Variants in GPR176 observed in about 807,000 individuals in gnomAD.
GPR176 encodes G protein-coupled receptor 176, also known as G-protein coupled receptor 176.
Under a neutral mutation model 35.4 loss-of-function variants are expected in GPR176, and 26 were observed. That is an observed-to-expected ratio of 0.74 (90% confidence interval 0.54 to 1.02). The LOEUF is 1.02. Ranked by LOEUF, GPR176 falls within the 50% of genes least tolerant of loss-of-function variation. The probability of loss-of-function intolerance (pLI) is 0.00; values close to 1 mark genes in which losing one functional copy is unlikely to be tolerated. For missense variants in GPR176, 597 were observed against 665.3 expected (o/e 0.90, Z 1.13); for synonymous variants, 278 against 271.3 (o/e 1.02, Z -0.24).
chr15:39,915,139 C>T (rs2033693215), intron 1 of GPR176, among the ~76,000 whole-genome samples: 1 of 152,200 alleles, frequency 6.6e-6, no homozygotes, highest in African/African-American at 2.4e-5. Context: ...TAGTCTGCTC[C>T]AGCTGCTATA....
At position 39,920,132 on chromosome 15, in the gene GPR176, G is replaced by T; in HGVS notation, c.-106C>A. Reference sequence around the variant, plus strand: ...ACGCGCGGGCGCCTGGCGGAGTCCTGGAGAAGCCGGAGCAGCCGACGGGTC... The same window carrying T: ...ACGCGCGGGCGCCTGGCGGAGTCCTTGAGAAGCCGGAGCAGCCGACGGGTC... On this transcript the variant is annotated 5_prime_UTR_variant, in exon 1 of 3. Coordinates refer to ENST00000561100, the MANE Select transcript of GPR176 (RefSeq NM_007223.3). The T allele has an allele frequency of 1.4e-6, 1 of 737,252 alleles. No individual in the cohort carries two copies. The highest frequency in any genetic ancestry group is 1.9e-6 in the Non-Finnish European group (1 of 527,792). The allele number at this position is 737,252 out of a possible 1,614,324, so 45.7% of individuals were successfully genotyped here.
At chr15:39,893,850 G>A (rs1429864081) in intron 1 of GPR176, among the ~76,000 whole-genome samples, 12 of 146,282 alleles carry the variant, frequency 8.2e-5, no homozygotes, top group African/African-American at 2.5e-4. Flanking sequence ...TCCCAGTAGG[G>A]GCGGCCGGGC....
At position 39,806,881 on chromosome 15, in the gene GPR176, T is replaced by G. The variant is rs1595433331; in HGVS notation, c.425+125A>C. 2.4e-5 allele frequency: 20 copies of G among 816,566 alleles called. No individual in the cohort carries two copies. In the East Asian group the frequency reaches 5.1e-4, roughly 21 times the overall value. 50.6% of individuals were successfully genotyped at this position (816,566 alleles called of 1,614,324 possible). On this transcript the variant is annotated intron_variant, in intron 2 of 2. Transcript: ENST00000561100. Reference sequence around the variant, plus strand: ...ATCTGTTTTGCACATTTATTCCCTTTCTGTTGATCACAAGCTGACTAAAAA... The same window carrying G: ...ATCTGTTTTGCACATTTATTCCCTTGCTGTTGATCACAAGCTGACTAAAAA...
intron 1 of GPR176, among the ~76,000 whole-genome samples, chr15:39,886,288 G>GT: frequency 6.6e-6 from 1 of 152,026 alleles, no homozygotes; most frequent in Non-Finnish European, 1.5e-5. Context: ...ACCAGGAACT[G>GT]TAAGACTCAG....
intron 1 of GPR176, among the ~76,000 whole-genome samples, chr15:39,831,720 G>A (rs923234643): frequency 7.9e-5 from 12 of 151,952 alleles, no homozygotes; most frequent in African/African-American, 2.4e-4. Flanking sequence ...TTCAAACCTC[G>A]TAATTTCTTG....
chr15:39,894,316 C>T (rs2033016218), intron 1 of GPR176: 1 of 119,430 alleles, frequency 8.4e-6, no homozygotes, highest in African/African-American at 2.8e-5. Context: ...GGGGCTGACC[C>T]CCCCACCTCC....
At chr15:39,880,531 T>G (rs2032435012) in intron 1 of GPR176, among the ~76,000 whole-genome samples, 1 of 152,232 alleles carries the variant, frequency 6.6e-6, no homozygotes, top group Admixed American at 6.5e-5. Flanking sequence ...TTTAGATTCT[T>G]AGATCAAATT....
chr15:39,911,075 T>A (rs2033565676), intron 1 of GPR176, among the ~76,000 whole-genome samples: 1 of 150,526 alleles, frequency 6.6e-6, no homozygotes, highest in Non-Finnish European at 1.5e-5. Context: ...AATAAAATAA[T>A]ATATGAAAGA....
chr15:39,895,255 A>AAAGAGAGGGAGAGGGAGACCG (rs1196633790), intron 1 of GPR176, among the ~76,000 whole-genome samples: 1 of 125,852 alleles, frequency 7.9e-6, no homozygotes, highest in African/African-American at 3.0e-5. Context: ...GAGGGAGACC[A>AAAGAGAGGGAGAGGGAGACCG]TGGGGAGAGG....
At chr15:39,900,226 T>TA (rs1038366139) in intron 1 of GPR176, among the ~76,000 whole-genome samples, 2,008 of 137,192 alleles carry the variant, frequency 0.015, 50 homozygotes, top group African/African-American at 0.045. Flanking sequence ...CAAGGATGTT[T>TA]AAAAAAAAAA....
intron 1 of GPR176, among the ~76,000 whole-genome samples, chr15:39,839,916 T>C (rs1901638982): frequency 6.6e-6 from 1 of 152,030 alleles, no homozygotes; most frequent in African/African-American, 2.4e-5. Flanking sequence ...GAAATGCAAA[T>C]CAAAACCACA....
chr15:39,805,898 T>C (rs1243719053), intron 2 of GPR176, among the ~76,000 whole-genome samples: 1 of 152,206 alleles, frequency 6.6e-6, no homozygotes, highest in Admixed American at 6.5e-5. Flanking sequence ...TAGAAAGCTA[T>C]GTAGGCAGGA....
rs146215754 is a variant in GPR176 at position 39,885,379 on chromosome 15, G to A, written c.172+34476C>T. ...CCAAAGCAAATCAGGGAGTAAGAAG[G>A]AAAAATGGAAATGCAAAATAAAAAC... On this transcript the variant is annotated intron_variant, in intron 1 of 2. Coordinates refer to ENST00000561100, the MANE Select transcript of GPR176 (RefSeq NM_007223.3). Among the ~76,000 whole-genome samples the A allele has an allele frequency of 5.2e-3, 793 of 152,248 alleles. 33 individuals are homozygous for A. The highest frequency in any genetic ancestry group is 0.048 in the Admixed American group (733 of 15,298).
At chr15:39,892,589 T>C (rs2032916702) in intron 1 of GPR176, among the ~76,000 whole-genome samples, 1 of 152,204 alleles carries the variant, frequency 6.6e-6, no homozygotes, top group South Asian at 2.1e-4. Flanking sequence ...GAGGTCGCAT[T>C]GCATTAGGGT....
At chr15:39,895,363 A>G (rs1038723625) in intron 1 of GPR176, among the ~76,000 whole-genome samples, 5 of 152,138 alleles carry the variant, frequency 3.3e-5, no homozygotes, top group African/African-American at 1.2e-4. Context: ...CATGCAACTG[A>G]AACACACATT....
At chr15:39,887,769 C>T (rs1475191521) in intron 1 of GPR176, among the ~76,000 whole-genome samples, 2 of 152,180 alleles carry the variant, frequency 1.3e-5, no homozygotes, top group Non-Finnish European at 2.9e-5. Flanking sequence ...AAGTTCTTTA[C>T]TGAGAATCCT....
chr15:39,818,472 A>G (rs1284673506), intron 1 of GPR176, among the ~76,000 whole-genome samples: 3 of 152,242 alleles, frequency 2.0e-5, no homozygotes, highest in African/African-American at 7.2e-5. Flanking sequence ...ACTTGTTCCC[A>G]AAGAATAATG....
chr15:39,832,945 T>A (rs1306637055), intron 1 of GPR176, among the ~76,000 whole-genome samples: 1 of 152,172 alleles, frequency 6.6e-6, no homozygotes. Context: ...AAGGGCACAC[T>A]CAGATGATCT....
At chr15:39,899,852 A>G (rs1423706512) in intron 1 of GPR176, among the ~76,000 whole-genome samples, 1 of 152,234 alleles carries the variant, frequency 6.6e-6, no homozygotes, top group Non-Finnish European at 1.5e-5. Context: ...ATGCATTCAT[A>G]ACTGGCTTAA....
Sources: allele counts gnomAD v4.1 joint callset (sites outside exome capture counted in the v4.1 genomes callset), GRCh38; gene constraint gnomAD v4.1.1; transcripts MANE v1.5; gene names NCBI Gene and HGNC (gene_info 2026-07-23, HGNC 2026-07-21).